Variants in ANK3 observed in about 807,000 individuals in gnomAD.
The protein encoded by ANK3 is ankyrin 3, also known as ankyrin-3.
A neutral mutation model predicts 370.9 loss-of-function variants in ANK3; 57 were observed. The ratio of observed to expected loss-of-function variants is 0.15; its 90% CI spans 0.12 to 0.19. ANK3 has a LOEUF of 0.19. ANK3 is among the 10% of genes least tolerant of loss of function. The pLI is 1.00. For missense variants in ANK3, 4,439 were observed against 5,302.1 expected (o/e 0.84, Z 5.06); for synonymous variants, 1,929 against 1,946.3 (o/e 0.99, Z 0.23).
At chr10:60,189,455 T>C (rs2096426909) in intron 16 of ANK3, among the ~76,000 whole-genome samples, 1 of 152,202 alleles carries the variant, frequency 6.6e-6, no homozygotes, top group Non-Finnish European at 1.5e-5. Context: ...GCTCAAGGAT[T>C]TATCTTGAGC....
chr10:60,051,785 ATG>A (rs5785428), intron 42 of ANK3, among the ~76,000 whole-genome samples: 29 of 148,134 alleles, frequency 2.0e-4, no homozygotes, highest in South Asian at 2.1e-4. Flanking sequence ...TACTCTGTGC[ATG>A]TGTGTGTGTG....
chr10:60,316,541 A>G (rs535148629), intron 1 of ANK3, among the ~76,000 whole-genome samples: 25 of 152,312 alleles, frequency 1.6e-4, no homozygotes, highest in African/African-American at 5.5e-4. Context: ...TTAATATAAT[A>G]AATGTAATAT....
At chr10:60,451,872 T>A (rs891627523) in intron 2 of ANK3, among the ~76,000 whole-genome samples, 2 of 152,198 alleles carry the variant, frequency 1.3e-5, no homozygotes, top group African/African-American at 4.8e-5. Context: ...CTGAAGGATT[T>A]GACAAGTGTA....
chr10:60,065,724 C>A (rs544043191), intron 38 of ANK3, among the ~76,000 whole-genome samples: 10 of 152,210 alleles, frequency 6.6e-5, no homozygotes, highest in Admixed American at 5.9e-4. Context: ...AAAATCAGAT[C>A]TCCCCGGAAC....
rs1275956470 is a variant in ANK3, at chr10:60,027,290, T to G, written c.*2556A>C. 2 of 145,952 alleles carry G rather than the reference T, an allele frequency of 1.4e-5. No individual in the cohort carries two copies. The highest frequency in any genetic ancestry group is 3.9e-4 in the East Asian group (2 of 5,158). The allele number at this position is 145,952 out of a possible 1,614,324, so 9.0% of individuals were successfully genotyped here. A position where few individuals can be genotyped will look rare whatever the true frequency, so the allele number is the denominator to read the frequency against. On this transcript the variant is annotated 3_prime_UTR_variant, in exon 44 of 44. Transcript: ENST00000280772. ...ACAGAGAGGCATTTTGGGAAAGTTT[T>G]TTTTTTTTTTTTTTTTTAAAAAAAA...
intron 27 of ANK3, among the ~76,000 whole-genome samples, chr10:60,106,477 C>T (rs2092190941): frequency 1.3e-5 from 2 of 151,944 alleles, no homozygotes; most frequent in Non-Finnish European, 2.9e-5. Flanking sequence ...TATAAAGTTC[C>T]TAGTTTGAAA....
chr10:60,505,634 C>A (rs182418804), intron 2 of ANK3, among the ~76,000 whole-genome samples: 3 of 152,024 alleles, frequency 2.0e-5, no homozygotes, highest in Non-Finnish European at 2.9e-5. Context: ...ATTCCTTATG[C>A]TACAAAATCC....
chr10:60,065,824 C>T (rs562637915), intron 38 of ANK3, among the ~76,000 whole-genome samples: 1 of 152,278 alleles, frequency 6.6e-6, no homozygotes, highest in South Asian at 2.1e-4. Flanking sequence ...ACTGATTTCA[C>T]ATCTCATTGA....
chr10:60,379,085 G>A (rs898147024), intron 1 of ANK3, among the ~76,000 whole-genome samples: 4 of 151,484 alleles, frequency 2.6e-5, no homozygotes, highest in East Asian at 1.9e-4. Context: ...GAAAACATAC[G>A]ACAAATATAT....
At chr10:60,731,058 A>G (rs947187457) in intron 1 of ANK3, among the ~76,000 whole-genome samples, 1 of 152,230 alleles carries the variant, frequency 6.6e-6, no homozygotes, top group Non-Finnish European at 1.5e-5. Context: ...AAAAATATAC[A>G]GACATTTTGT....
chr10:60,312,505 T>C (rs1456927637), intron 1 of ANK3, among the ~76,000 whole-genome samples: 1 of 152,214 alleles, frequency 6.6e-6, no homozygotes, highest in Non-Finnish European at 1.5e-5. Flanking sequence ...CACAGTCCTC[T>C]TACCTATGGA....
intron 1 of ANK3, among the ~76,000 whole-genome samples, chr10:60,663,590 T>TAA (rs1303059551): frequency 6.6e-6 from 1 of 152,214 alleles, no homozygotes; most frequent in Non-Finnish European, 1.5e-5. Flanking sequence ...GTCACAGCAC[T>TAA]AAAACTGAGT....
At chr10:60,169,266 T>C (rs903272540) in intron 21 of ANK3, among the ~76,000 whole-genome samples, 1 of 152,086 alleles carries the variant, frequency 6.6e-6, no homozygotes, top group East Asian at 1.9e-4. Flanking sequence ...TATCTCATTG[T>C]GGTCTTGATT....
At chr10:60,127,795 T>C (rs553247744) in intron 25 of ANK3, among the ~76,000 whole-genome samples, 1 of 151,624 alleles carries the variant, frequency 6.6e-6, no homozygotes, top group African/African-American at 2.4e-5. Context: ...ACCTACTGGT[T>C]CAAGCGATTT....
intron 2 of ANK3, among the ~76,000 whole-genome samples, chr10:60,551,363 G>A (rs561540115): frequency 2.0e-5 from 3 of 152,000 alleles, no homozygotes; most frequent in East Asian, 1.9e-4. Flanking sequence ...TTAATTTTTC[G>A]GCCATTCAAT....
chr10:60,278,920 T>G (rs1490548666), intron 3 of ANK3, 48 bp from the exon 4 acceptor site: 1 of 1,595,286 alleles, frequency 6.3e-7, no homozygotes, highest in African/African-American at 1.3e-5. Flanking sequence ...CTTTTGAATT[T>G]TCCTGTTCTC....
At chr10:60,251,485 G>A (rs1322458137) in intron 7 of ANK3, among the ~76,000 whole-genome samples, 2 of 152,156 alleles carry the variant, frequency 1.3e-5, no homozygotes, top group Non-Finnish European at 2.9e-5. Context: ...TGCATTGAAG[G>A]AGCCTAAGCC....
intron 1 of ANK3, among the ~76,000 whole-genome samples, chr10:60,624,123 T>G (rs1219629852): frequency 6.6e-6 from 1 of 152,038 alleles, no homozygotes; most frequent in Non-Finnish European, 1.5e-5. Flanking sequence ...ACCTGGATGG[T>G]GAAATACTCT....
At chr10:60,375,807 G>C (rs544650596) in intron 1 of ANK3, among the ~76,000 whole-genome samples, 56 of 152,200 alleles carry the variant, frequency 3.7e-4, no homozygotes, top group African/African-American at 1.3e-3. Flanking sequence ...TTTACCCTCA[G>C]CTTGTAATTC....
Sources: gnomAD v4.1 joint callset for allele counts (sites outside exome capture counted in the v4.1 genomes callset) on GRCh38, gnomAD v4.1.1 for gene constraint, MANE v1.5 for transcripts, NCBI Gene and HGNC (gene_info 2026-07-23, HGNC 2026-07-21) for gene names.